Variants in EYA4 observed in about 807,000 individuals in gnomAD.
EYA4 encodes the protein EYA transcriptional coactivator and phosphatase 4.
Under a neutral mutation model 87.9 loss-of-function variants are expected in EYA4, and 31 were observed. The ratio of observed to expected loss-of-function variants is 0.35; its 90% CI spans 0.27 to 0.48. The LOEUF (loss-of-function observed/expected upper bound fraction) is 0.48. Among genes scored for constraint, EYA4 ranks in the 20% least tolerant of loss-of-function variants. The pLI is 0.99. For missense variants in EYA4, 678 were observed against 761.4 expected (o/e 0.89, Z 1.29); for synonymous variants, 263 against 270.6 (o/e 0.97, Z 0.28).
chr6:133,283,617 T>C (rs1777801929), intron 2 of EYA4, among the ~76,000 whole-genome samples: 1 of 152,172 alleles, frequency 6.6e-6, no homozygotes, highest in African/African-American at 2.4e-5. Flanking sequence ...TTGTGCCAGC[T>C]TGGAAGCTAT....
intron 11 of EYA4, among the ~76,000 whole-genome samples, chr6:133,472,881 T>C (rs1019122125): frequency 1.3e-4 from 19 of 148,974 alleles, no homozygotes; most frequent in East Asian, 5.9e-4. Context: ...TCTTTGTTGG[T>C]TTAAAGTCTG....
chr6:133,259,115 C>A (rs1775585333), intron 1 of EYA4, among the ~76,000 whole-genome samples: 3 of 152,148 alleles, frequency 2.0e-5, no homozygotes, highest in Non-Finnish European at 4.4e-5. Flanking sequence ...TATCTGCCTT[C>A]CACTTAATGC....
Position 133,478,268 on chromosome 6 carries a change from T to G in EYA4, c.971-3195T>G, listed in dbSNP as rs115498223. Among the ~76,000 whole-genome samples the G allele has an allele frequency of 6.4e-3, 981 of 152,214 alleles. 14 individuals carry two copies. The highest frequency in any genetic ancestry group is 0.022 in the African/African-American group (933 of 41,554). On this transcript the variant is annotated intron_variant, in intron 11 of 19. Coordinates refer to ENST00000355286, the MANE Select transcript of EYA4 (RefSeq NM_004100.5). ...TCAGTGTCTGTTAAAGATGAACATATGCCTTCCCTCTGACCCAGGAATCAC... is the reference window on the plus strand; with the variant it reads ...TCAGTGTCTGTTAAAGATGAACATAGGCCTTCCCTCTGACCCAGGAATCAC...
chr6:133,520,967 G>A (rs2128806567), intron 17 of EYA4, among the ~76,000 whole-genome samples: 1 of 151,426 alleles, frequency 6.6e-6, no homozygotes, highest in Admixed American at 6.6e-5. Context: ...ATCAATTCAA[G>A]ATGGATTAAA....
rs1778939394 is a variant in EYA4 at position 133,296,298 on chromosome 6, A to T, written c.33+21485A>T. Among the ~76,000 whole-genome samples, 3 of 152,350 alleles carry T rather than the reference A, an allele frequency of 2.0e-5. No individual in the cohort carries two copies. The South Asian group carries it at 6.2e-4, about 32-fold the overall frequency. ...GTGTCAAAACCTGTAGACCTTGGTC[A>T]GGACGTTGGCTTTTACTCTGAGGGA... On this transcript the variant is annotated intron_variant, in intron 2 of 19. Coordinates refer to ENST00000355286, the MANE Select transcript of EYA4 (RefSeq NM_004100.5).
chr6:133,488,266 C>G (rs998588492), intron 13 of EYA4, among the ~76,000 whole-genome samples: 1 of 152,042 alleles, frequency 6.6e-6, no homozygotes, highest in South Asian at 2.1e-4. Flanking sequence ...CAGGTAGATT[C>G]CAGATTCAGG....
chr6:133,362,244 G>T (rs186727410), intron 2 of EYA4, among the ~76,000 whole-genome samples: 238 of 152,246 alleles, frequency 1.6e-3, no homozygotes, highest in African/African-American at 3.9e-3. Context: ...TTAGAGTGGG[G>T]CCAGGCTGCT....
At chr6:133,522,215 C>T (rs1325322763) in intron 17 of EYA4, among the ~76,000 whole-genome samples, 1 of 138,788 alleles carries the variant, frequency 7.2e-6, no homozygotes. Flanking sequence ...GGTACATGTG[C>T]ACAACGTGCA....
intron 3 of EYA4, among the ~76,000 whole-genome samples, chr6:133,430,655 A>G (rs971892169): frequency 1.2e-4 from 18 of 152,170 alleles, no homozygotes; most frequent in African/African-American, 3.9e-4. Flanking sequence ...CTATGCCACA[A>G]AAAAAACTAG....
chr6:133,401,140 G>A (rs551412805), intron 3 of EYA4, among the ~76,000 whole-genome samples: 7 of 152,198 alleles, frequency 4.6e-5, no homozygotes, highest in African/African-American at 9.6e-5. Context: ...AGACAAGCAC[G>A]GAAAAGCAAG....
chr6:133,401,951 G>C (rs1050513997), intron 3 of EYA4, among the ~76,000 whole-genome samples: 5 of 152,126 alleles, frequency 3.3e-5, no homozygotes, highest in African/African-American at 1.2e-4. Context: ...AGTGCCATGG[G>C]TGAACTGTAC....
intron 3 of EYA4, 134 bp from the exon 4 acceptor site, chr6:133,446,496 C>A: frequency 2.1e-6 from 2 of 946,824 alleles, no homozygotes; most frequent in Non-Finnish European, 3.3e-6. Context: ...GCATGTTCAT[C>A]TGGTTGACTA....
intron 2 of EYA4, among the ~76,000 whole-genome samples, chr6:133,373,347 A>G (rs1421609730): frequency 6.6e-6 from 1 of 152,098 alleles, no homozygotes; most frequent in Non-Finnish European, 1.5e-5. Flanking sequence ...AAAAATTTAT[A>G]AAGATATAGA....
rs1158747638 is a variant in EYA4, at chr6:133,521,183, C to T, written c.1617-1873C>T. ...ACCATCAGAGTGAACAGGCAACTGACAAAATGGGAGAAAATTTTCGCAACC... is the reference window on the plus strand; with the variant it reads ...ACCATCAGAGTGAACAGGCAACTGATAAAATGGGAGAAAATTTTCGCAACC... On this transcript the variant is annotated intron_variant, in intron 17 of 19. Coordinates refer to ENST00000355286, the MANE Select transcript of EYA4 (RefSeq NM_004100.5). 1.5e-4 allele frequency among the ~76,000 whole-genome samples: 22 copies of T among 151,512 alleles called. No homozygotes were observed. The East Asian group carries it at 3.7e-3, about 26-fold the overall frequency.
intron 1 of EYA4, among the ~76,000 whole-genome samples, chr6:133,268,172 C>G (rs1280726260): frequency 6.6e-6 from 1 of 152,154 alleles, no homozygotes; most frequent in Non-Finnish European, 1.5e-5. Context: ...CTTTCCTAAT[C>G]ATTTAGTGGG....
chr6:133,452,294 A>G (rs1477205681), intron 5 of EYA4, among the ~76,000 whole-genome samples: 3 of 152,262 alleles, frequency 2.0e-5, no homozygotes, highest in South Asian at 2.1e-4. Context: ...TTAAATGGAC[A>G]CCTTAAACTG....
intron 3 of EYA4, among the ~76,000 whole-genome samples, chr6:133,425,887 G>A (rs3777849): frequency 0.2 from 29,981 of 150,394 alleles, 3,752 homozygotes; most frequent in East Asian, 0.34. Context: ...TTCAGACTTC[G>A]TGGGATAGCA....
At chr6:133,333,207 G>A (rs1490141587) in intron 2 of EYA4, among the ~76,000 whole-genome samples, 1 of 152,200 alleles carries the variant, frequency 6.6e-6, no homozygotes, top group East Asian at 1.9e-4. Context: ...CAAGGATCAT[G>A]CTGAAACCTT....
chr6:133,373,803 C>A (rs552510962), intron 2 of EYA4, among the ~76,000 whole-genome samples: 30 of 152,094 alleles, frequency 2.0e-4, no homozygotes, highest in East Asian at 9.6e-4. Context: ...ATTCTTTTAG[C>A]GCTTATGTAT....
Sources: gnomAD v4.1 joint callset for allele counts (sites outside exome capture counted in the v4.1 genomes callset) on GRCh38, gnomAD v4.1.1 for gene constraint, MANE v1.5 for transcripts, NCBI Gene and HGNC (gene_info 2026-07-23, HGNC 2026-07-21) for gene names.